EYS: variants seen among roughly 807,000 people sequenced by gnomAD.
EYS encodes protein eyes shut homolog.
EYS carries 250 observed loss-of-function variants against 282.1 expected under a neutral mutation model. That is an observed-to-expected ratio of 0.89 (90% CI 0.80 to 0.98). EYS has a LOEUF of 0.98. Among genes scored for constraint, EYS ranks in the 50% least tolerant of loss-of-function variants. The probability of loss-of-function intolerance (pLI) is 0.00; values close to 1 mark genes in which losing one functional copy is unlikely to be tolerated. For missense variants in EYS, 4,016 were observed against 3,709.0 expected (o/e 1.08, Z -2.15); for synonymous variants, 1,355 against 1,282.9 (o/e 1.06, Z -1.20).
At chr6:64,414,205 A>G (rs1307107747) in intron 28 of EYS, among the ~76,000 whole-genome samples, 1 of 152,170 alleles carries the variant, frequency 6.6e-6, no homozygotes, top group East Asian at 1.9e-4. Flanking sequence ...TGAGAAATGA[A>G]GAGAAATTAA....
At chr6:65,424,071 G>A (rs927815472) in intron 5 of EYS, among the ~76,000 whole-genome samples, 5 of 151,874 alleles carry the variant, frequency 3.3e-5, no homozygotes, top group Admixed American at 6.6e-5. Flanking sequence ...AAGGTGTAAT[G>A]AATTTAACGT....
rs368112795 is a variant in EYS, at chr6:64,252,928, C to T, written c.6192-22104G>A. Among the ~76,000 whole-genome samples, 8 of 152,210 alleles carry T rather than the reference C, an allele frequency of 5.3e-5. No individual in the cohort carries two copies. In the South Asian group the frequency reaches 8.3e-4, roughly 16 times the overall value. On this transcript the variant is annotated intron_variant, in intron 30 of 42. Transcript: ENST00000503581. The stretch of plus-strand genomic sequence containing the variant: ...TTCACTCCTCATTGTATTCTGTGTG[C>T]CCAATATATTCCCTTTAACAGTGAT...
chr6:64,142,360 A>G (rs969225793), intron 31 of EYS, among the ~76,000 whole-genome samples: 4 of 152,042 alleles, frequency 2.6e-5, no homozygotes, highest in African/African-American at 7.2e-5. Context: ...GAGTTCTGAG[A>G]AAAGGGCTTG....
intron 12 of EYS, among the ~76,000 whole-genome samples, chr6:65,128,305 TA>T (rs1160413926): frequency 6.7e-6 from 1 of 150,146 alleles, no homozygotes. Flanking sequence ...ACCTATTCAA[TA>T]TAGTATTGAA....
intron 2 of EYS, among the ~76,000 whole-genome samples, chr6:65,622,811 A>G (rs354370): frequency 0.79 from 119,041 of 150,542 alleles, 47,119 homozygotes; most frequent in Middle Eastern, 0.83. Context: ...AGGCAGGAGT[A>G]CAGTGGGGCA....
chr6:65,479,462 A>C (rs1305181594), intron 5 of EYS, among the ~76,000 whole-genome samples: 1 of 152,208 alleles, frequency 6.6e-6, no homozygotes, highest in Non-Finnish European at 1.5e-5. Context: ...CTAACCAAGA[A>C]ACACTAGCAT....
chr6:63,927,666 A>G (rs139935627), intron 35 of EYS, among the ~76,000 whole-genome samples: 84 of 152,358 alleles, frequency 5.5e-4, no homozygotes, highest in African/African-American at 2.0e-3. Flanking sequence ...TAACTCTGAC[A>G]TATTATCAGT....
intron 2 of EYS, among the ~76,000 whole-genome samples, chr6:65,610,877 T>C (rs354387): frequency 0.77 from 117,201 of 151,978 alleles, 45,301 homozygotes; most frequent in Middle Eastern, 0.82. Flanking sequence ...AGCTCATTAG[T>C]AGTCATAGGA....
chr6:64,743,782 A>G (rs1265869809), intron 22 of EYS, among the ~76,000 whole-genome samples: 1 of 152,170 alleles, frequency 6.6e-6, no homozygotes, highest in Non-Finnish European at 1.5e-5. Flanking sequence ...GAATTGTTAC[A>G]AAAAGTGTCA....
At chr6:64,532,984 A>G (rs1764401573) in intron 26 of EYS, among the ~76,000 whole-genome samples, 1 of 152,154 alleles carries the variant, frequency 6.6e-6, no homozygotes, top group African/African-American at 2.4e-5. Flanking sequence ...AGGGGACAAT[A>G]TGTGCAAAGA....
intron 22 of EYS, among the ~76,000 whole-genome samples, chr6:64,692,033 A>C (rs1770403131): frequency 6.6e-6 from 1 of 152,012 alleles, no homozygotes; most frequent in Admixed American, 6.6e-5. Flanking sequence ...AGATTGCTGG[A>C]TTGTATGGTA....
chr6:63,817,490 A>C (rs1232799343), intron 36 of EYS, among the ~76,000 whole-genome samples: 2 of 152,168 alleles, frequency 1.3e-5, no homozygotes, highest in Non-Finnish European at 2.9e-5. Flanking sequence ...CCAATCGCGG[A>C]TGCAGCTACT....
In EYS at chr6:65,555,849, T is replaced by G. The variant is rs1472588146; in HGVS notation, c.-332-59856A>C. Among the ~76,000 whole-genome samples the G allele has an allele frequency of 2.0e-5, 3 of 152,198 alleles. No homozygotes were observed. In the East Asian group the frequency reaches 5.8e-4, roughly 29 times the overall value. On this transcript the variant is annotated intron_variant, in intron 2 of 42. Coordinates refer to ENST00000503581, the MANE Select transcript of EYS (RefSeq NM_001142800.2). Reference sequence around the variant, plus strand: ...AAAAAATGCAGATTTTCAAAAACAGTAAAAAGATGAATACTGTAAAATATC... The same window carrying G: ...AAAAAATGCAGATTTTCAAAAACAGGAAAAAGATGAATACTGTAAAATATC...
chr6:65,239,556 A>G (rs1446176798), intron 12 of EYS, among the ~76,000 whole-genome samples: 2 of 151,876 alleles, frequency 1.3e-5, no homozygotes, highest in Admixed American at 6.6e-5. Context: ...TATTTTTTTC[A>G]CCTACTATTA....
At chr6:65,087,492 C>G (rs1774418057) in intron 12 of EYS, among the ~76,000 whole-genome samples, 1 of 152,114 alleles carries the variant, frequency 6.6e-6, no homozygotes, top group African/African-American at 2.4e-5. Flanking sequence ...AGCTGTGCAT[C>G]TTACCTAACT....
At chr6:63,828,064 CA>C (rs1026651546) in intron 36 of EYS, among the ~76,000 whole-genome samples, 51 of 152,140 alleles carry the variant, frequency 3.4e-4, no homozygotes, top group Admixed American at 1.8e-3. Flanking sequence ...TACAATCTAT[CA>C]AAACCTCTGG....
chr6:63,968,236 G>A (rs904478868), intron 35 of EYS, among the ~76,000 whole-genome samples: 2 of 152,118 alleles, frequency 1.3e-5, no homozygotes, highest in Non-Finnish European at 2.9e-5. Flanking sequence ...AGATATCAGA[G>A]AAATTATTAG....
intron 15 of EYS, among the ~76,000 whole-genome samples, chr6:64,922,388 G>A (rs1162429425): frequency 6.6e-6 from 1 of 152,110 alleles, no homozygotes; most frequent in Admixed American, 6.5e-5. Flanking sequence ...AAAATAGACT[G>A]TTGTGTTTGT....
intron 22 of EYS, among the ~76,000 whole-genome samples, chr6:64,691,922 T>A (rs745332877): frequency 1.3e-5 from 2 of 152,148 alleles, no homozygotes; most frequent in Non-Finnish European, 2.9e-5. Context: ...TGGATTGGTT[T>A]CACGTTTTTG....
Sources: gnomAD v4.1 joint callset for allele counts (sites outside exome capture counted in the v4.1 genomes callset) on GRCh38, gnomAD v4.1.1 for gene constraint, MANE v1.5 for transcripts, NCBI Gene and HGNC (gene_info 2026-07-23, HGNC 2026-07-21) for gene names.